Variants in ARHGEF3 observed in about 807,000 individuals in gnomAD.
The protein encoded by ARHGEF3 is Rho guanine nucleotide exchange factor 3.
Under a neutral mutation model 63.2 loss-of-function variants are expected in ARHGEF3, and 28 were observed. The ratio of observed to expected loss-of-function variants is 0.44; its 90% CI spans 0.33 to 0.61. The LOEUF is 0.61. Ranked by LOEUF, ARHGEF3 falls within the 20% of genes least tolerant of loss-of-function variation. The pLI is 0.03. For missense variants in ARHGEF3, 533 were observed against 659.3 expected (o/e 0.81, Z 2.10); for synonymous variants, 266 against 254.2 (o/e 1.05, Z -0.44).
At chr3:56,948,856 G>A (rs1699655992) in intron 3 of ARHGEF3, among the ~76,000 whole-genome samples, 1 of 151,970 alleles carries the variant, frequency 6.6e-6, no homozygotes, top group South Asian at 2.1e-4. Context: ...TATCCCTGAT[G>A]AACATCGATG....
At chr3:56,832,253 A>G (rs2038956580) in intron 4 of ARHGEF3, among the ~76,000 whole-genome samples, 1 of 152,236 alleles carries the variant, frequency 6.6e-6, no homozygotes. Flanking sequence ...TGCAATGGGT[A>G]ATATAATAAA....
intron 3 of ARHGEF3, among the ~76,000 whole-genome samples, chr3:56,904,554 A>G (rs1216919227): frequency 6.6e-6 from 1 of 152,222 alleles, no homozygotes. Flanking sequence ...AAAATTAACT[A>G]TATTTTCAAA....
At chr3:56,985,834 C>A (rs1701514173) in intron 2 of ARHGEF3, among the ~76,000 whole-genome samples, 2 of 152,090 alleles carry the variant, frequency 1.3e-5, no homozygotes, top group Non-Finnish European at 2.9e-5. Flanking sequence ...AACATACCCA[C>A]AGGTGGGGCT....
At chr3:56,925,880 G>A (rs2042262458) in intron 3 of ARHGEF3, among the ~76,000 whole-genome samples, 2 of 152,150 alleles carry the variant, frequency 1.3e-5, no homozygotes, top group Admixed American at 1.3e-4. Context: ...TCTCCCACCT[G>A]GTATTCTACC....
intron 1 of ARHGEF3, among the ~76,000 whole-genome samples, chr3:57,042,380 T>C (rs1579151749): frequency 6.6e-6 from 1 of 151,896 alleles, no homozygotes; most frequent in Admixed American, 6.6e-5. Flanking sequence ...TAAAGTATAA[T>C]GATGTTTCTA....
At chr3:56,868,423 C>T (rs891757826) in intron 4 of ARHGEF3, among the ~76,000 whole-genome samples, 5 of 150,094 alleles carry the variant, frequency 3.3e-5, no homozygotes, top group Admixed American at 6.7e-5. Flanking sequence ...CAGTGTGGTG[C>T]GATCTTGGCT....
intron 1 of ARHGEF3, chr3:56,775,387 A>C: frequency 9.5e-7 from 1 of 1,055,904 alleles, no homozygotes; most frequent in Admixed American, 5.4e-5. Context: ...TTAAAAACTT[A>C]AAAAGAAAAT....
intron 3 of ARHGEF3, among the ~76,000 whole-genome samples, chr3:56,900,239 G>A (rs769640822): frequency 6.6e-6 from 1 of 152,176 alleles, no homozygotes; most frequent in East Asian, 1.9e-4. Flanking sequence ...TTTGGATCAC[G>A]AAAATCACCC....
upstream of ARHGEF3, chr3:56,802,047 G>A: frequency 1.1e-5 from 15 of 1,354,424 alleles, no homozygotes; most frequent in Non-Finnish European, 1.4e-5. Context: ...GCTGCCGGGA[G>A]GGCCCACGTG....
intron 1 of ARHGEF3, among the ~76,000 whole-genome samples, chr3:57,068,164 C>T (rs1364041766): frequency 1.9e-5 from 1 of 53,886 alleles, no homozygotes; most frequent in African/African-American, 7.3e-5. Context: ...CGCGCACACA[C>T]ACATACACAC....
intron 1 of ARHGEF3, among the ~76,000 whole-genome samples, chr3:57,059,004 A>AG (rs1335471751): frequency 9.9e-5 from 8 of 80,876 alleles, no homozygotes; most frequent in Admixed American, 1.8e-4. Context: ...GGGTGGGGGG[A>AG]GGGGGGAGGG....
chr3:56,979,164 A>C (rs780498802), intron 2 of ARHGEF3, among the ~76,000 whole-genome samples: 8 of 152,218 alleles, frequency 5.3e-5, no homozygotes, highest in African/African-American at 1.4e-4. Context: ...TAAAAGAAAG[A>C]AAGCTCCTTG....
intron 3 of ARHGEF3, among the ~76,000 whole-genome samples, chr3:56,754,381 A>G (rs1032894247): frequency 2.6e-5 from 4 of 152,198 alleles, no homozygotes; most frequent in African/African-American, 9.7e-5. Context: ...TCAGGCTTTG[A>G]AAGCTCCCTC....
At chr3:56,879,847 A>G (rs2040708775) in intron 4 of ARHGEF3, among the ~76,000 whole-genome samples, 1 of 152,204 alleles carries the variant, frequency 6.6e-6, no homozygotes, top group African/African-American at 2.4e-5. Flanking sequence ...TCAGATATTC[A>G]TTTCACCATT....
chr3:56,813,310 A>G (rs1481087407), intron 4 of ARHGEF3, among the ~76,000 whole-genome samples: 2 of 152,198 alleles, frequency 1.3e-5, no homozygotes. Context: ...TGGGAGGAGG[A>G]GAATTTGATC....
intron 3 of ARHGEF3, among the ~76,000 whole-genome samples, chr3:56,906,228 T>G (rs1295761090): frequency 3.9e-5 from 6 of 152,166 alleles, no homozygotes; most frequent in African/African-American, 1.4e-4. Flanking sequence ...TAAATAAAAT[T>G]TAAAATGCAC....
chr3:56,743,434 C>A (rs1214115468), intron 7 of ARHGEF3, among the ~76,000 whole-genome samples: 2 of 152,214 alleles, frequency 1.3e-5, no homozygotes, highest in Admixed American at 6.5e-5. Flanking sequence ...GGAGTCTACA[C>A]TGACAGGGTT....
chr3:57,012,951 G>A (rs993481537), intron 2 of ARHGEF3, among the ~76,000 whole-genome samples: 2 of 152,204 alleles, frequency 1.3e-5, no homozygotes, highest in African/African-American at 2.4e-5. Flanking sequence ...GGGTGGGTGC[G>A]GGCTTGGCAG....
intron 2 of ARHGEF3, among the ~76,000 whole-genome samples, chr3:56,967,914 TA>T (rs1700652500): frequency 2.8e-5 from 2 of 70,546 alleles, no homozygotes; most frequent in African/African-American, 1.1e-4. Context: ...ATATTATATA[TA>T]ATATATTATA....
Sources: gnomAD v4.1 joint callset for allele counts (sites outside exome capture counted in the v4.1 genomes callset) on GRCh38, gnomAD v4.1.1 for gene constraint, MANE v1.5 for transcripts, NCBI Gene and HGNC (gene_info 2026-07-23, HGNC 2026-07-21) for gene names.